The following DMC1 variants were observed in gnomAD, a reference collection of about 807,000 sequenced individuals.
DMC1 encodes DNA meiotic recombinase 1.
A neutral mutation model predicts 50.1 loss-of-function variants in DMC1; 27 were observed. The observed-to-expected ratio is 0.54, with a 90% CI of 0.40 to 0.74. The LOEUF (loss-of-function observed/expected upper bound fraction) is 0.74, where lower values mean the gene tolerates loss of function less well. DMC1 is among the 30% of genes least tolerant of loss of function. The pLI is 0.00. For synonymous variants in DMC1, 148 were observed against 136.1 expected, an observed-to-expected ratio of 1.09 and a Z score of -0.61; for missense variants, 295 against 420.2, an observed-to-expected ratio of 0.70 and a Z score of 2.60.
At chr22:38,525,973 TAAAAG>T (rs907987380) in intron 12 of DMC1, among the ~76,000 whole-genome samples, 8 of 145,378 alleles carry the variant, frequency 5.5e-5, no homozygotes, top group Non-Finnish European at 9.1e-5. Context: ...ATACATAAAA[TAAAAG>T]AAAAAAAAAG....
At chr22:38,525,888 G>T (rs1426842799) in intron 12 of DMC1, among the ~76,000 whole-genome samples, 3 of 151,864 alleles carry the variant, frequency 2.0e-5, no homozygotes, top group African/African-American at 7.3e-5. Flanking sequence ...TGCGGTGAGT[G>T]TTCATTGTGC....
intron 5 of DMC1, among the ~76,000 whole-genome samples, chr22:38,556,293 A>G (rs1468440067): frequency 6.6e-6 from 1 of 151,702 alleles, no homozygotes. Flanking sequence ...GGGTCTTGCT[A>G]TGTTGCCCAG....
intron 5 of DMC1, among the ~76,000 whole-genome samples, chr22:38,557,080 G>C (rs2090475625): frequency 2.0e-5 from 3 of 152,134 alleles, no homozygotes; most frequent in African/African-American, 7.2e-5. Context: ...ATGCAGGTTT[G>C]TTACATAGGT....
downstream of DMC1, among the ~76,000 whole-genome samples, chr22:38,518,303 A>G (rs2089990203): frequency 6.6e-6 from 1 of 152,146 alleles, no homozygotes; most frequent in African/African-American, 2.4e-5. Flanking sequence ...GGTCAATCCA[A>G]GATTACACTG....
At chr22:38,547,523 A>AT (rs1469425987) in intron 8 of DMC1, among the ~76,000 whole-genome samples, 1 of 150,014 alleles carries the variant, frequency 6.7e-6, no homozygotes, top group African/African-American at 2.5e-5. Context: ...AAACTAGTAT[A>AT]TTTTTTCTTC....
At chr22:38,562,541 G>A in intron 4 of DMC1, among the ~76,000 whole-genome samples, 172 bp from the exon 5 acceptor site, 1 of 152,138 alleles carries the variant, frequency 6.6e-6, no homozygotes, top group East Asian at 1.9e-4. Context: ...AGGCTTTAGA[G>A]CTGCCCTTTC....
chr22:38,568,446 A>G (rs1163510994), intron 1 of DMC1, 157 bp from the exon 2 acceptor site: 13 of 632,306 alleles, frequency 2.1e-5, no homozygotes, highest in Non-Finnish European at 2.5e-5. Context: ...ATGTGACATT[A>G]TTTCTTGTGT....
At chr22:38,550,470 C>G (rs1354064179) in intron 7 of DMC1, among the ~76,000 whole-genome samples, 1 of 151,120 alleles carries the variant, frequency 6.6e-6, no homozygotes, top group East Asian at 2.0e-4. Flanking sequence ...GGCACTGCCA[C>G]ACCCAGCTAA....
the DMC1 span, among the ~76,000 whole-genome samples, chr22:38,509,372 T>C: frequency 1.3e-5 from 2 of 152,198 alleles, no homozygotes; most frequent in Non-Finnish European, 2.9e-5. Flanking sequence ...TGTGTCCGTG[T>C]CCTCTTCTGG....
chr22:38,566,674 C>T lies in DMC1; in HGVS notation c.159G>A (p.Met53Ile), dbSNP rs1386376475. Residue 53 changes from methionine to isoleucine, a missense_variant, in exon 4 of 14, where the codon ATG becomes ATA. By Grantham distance (10) the Met-to-Ile change is conservative. Transcript: ENST00000216024. ...CATTGCATAGAGCTCTTCTTGTTGT[C>T]ATCTGTATACCTTTGATGGTACAGA... ...VGICTIKGIQ[M>I]TTRRALCNVK... 1.2e-6 allele frequency: 2 copies of T among 1,613,604 alleles called. No homozygotes were observed. Among genetic ancestry groups the T allele is most frequent in the Non-Finnish European group, 1.7e-6 (2 of 1,179,514 alleles).
At chr22:38,524,132 T>A (rs551246716) in intron 12 of DMC1, among the ~76,000 whole-genome samples, 1 of 152,192 alleles carries the variant, frequency 6.6e-6, no homozygotes, top group South Asian at 2.1e-4. Context: ...AAATAAGGGC[T>A]TGGCCGGGCA....
chr22:38,569,440 AC>A (rs2090615923), intron 1 of DMC1: 1 of 152,146 alleles, frequency 6.6e-6, no homozygotes, highest in South Asian at 2.1e-4. Context: ...GCAGGGTCCT[AC>A]CACCCAGCAC....
At position 38,519,803 on chromosome 22, in the gene DMC1, C is replaced by G; in HGVS notation, c.*217G>C. ...ATACACACACAAACACACACACACA[C>G]AAACATACATATACATATCCCTGAA... On this transcript the variant is annotated 3_prime_UTR_variant, in exon 14 of 14. Coordinates refer to ENST00000216024, the MANE Select transcript of DMC1 (RefSeq NM_007068.4). The G allele has an allele frequency of 2.0e-6, 1 of 504,348 alleles. No homozygotes were observed. Among genetic ancestry groups the G allele is most frequent in the Non-Finnish European group, 3.6e-6 (1 of 276,064 alleles). The allele number at this position is 504,348 out of a possible 1,614,324, so 31.2% of individuals were successfully genotyped here. A position where few individuals can be genotyped will look rare whatever the true frequency, so the allele number is the denominator to read the frequency against.
At chr22:38,562,142 T>C in intron 5 of DMC1, 145 bp downstream of exon 5, 1 of 616,490 alleles carries the variant, frequency 1.6e-6, no homozygotes, top group Non-Finnish European at 2.8e-6. Context: ...GTTTCAGTTA[T>C]CATTTAGAAA....
At chr22:38,520,531 T>C (rs1203380732) in intron 13 of DMC1, among the ~76,000 whole-genome samples, 1 of 152,098 alleles carries the variant, frequency 6.6e-6, no homozygotes, top group Non-Finnish European at 1.5e-5. Flanking sequence ...CTAATTTTTG[T>C]ATTTTTAGTA....
intron 5 of DMC1, among the ~76,000 whole-genome samples, chr22:38,557,955 T>A (rs1011970970): frequency 4.3e-5 from 6 of 140,724 alleles, no homozygotes; most frequent in African/African-American, 1.6e-4. Flanking sequence ...TAGACAAAGT[T>A]CTTTTTTTTT....
chr22:38,566,553 T>G, intron 4 of DMC1, 37 bp downstream of exon 4: 1 of 1,612,938 alleles, frequency 6.2e-7, no homozygotes, highest in Non-Finnish European at 8.5e-7. Context: ...CACAAGGCCC[T>G]GCCAAGCTAA....
intron 12 of DMC1, among the ~76,000 whole-genome samples, chr22:38,531,963 G>A (rs1042231671): frequency 5.9e-5 from 9 of 151,942 alleles, no homozygotes; most frequent in South Asian, 2.1e-4. Context: ...CCTAATTTCC[G>A]CTGATTTCCT....
intron 8 of DMC1, among the ~76,000 whole-genome samples, chr22:38,540,452 T>C (rs562918264): frequency 6.6e-6 from 1 of 152,302 alleles, no homozygotes; most frequent in South Asian, 2.1e-4. Flanking sequence ...CTATAAACTA[T>C]AAAGGAGTAA....
Sources: allele counts gnomAD v4.1 joint callset (sites outside exome capture counted in the v4.1 genomes callset), GRCh38; gene constraint gnomAD v4.1.1; transcripts MANE v1.5; gene names NCBI Gene and HGNC (gene_info 2026-07-23, HGNC 2026-07-21).